MAP2K5: variants seen among roughly 807,000 people sequenced by gnomAD.
The protein encoded by MAP2K5 is mitogen-activated protein kinase kinase 5.
In MAP2K5, 49 loss-of-function variants were observed where a neutral mutation model predicts 83.1. The ratio of observed to expected loss-of-function variants is 0.59; its 90% CI spans 0.47 to 0.75. The LOEUF is 0.75. Among genes scored for constraint, MAP2K5 ranks in the 30% least tolerant of loss-of-function variants. MAP2K5 has a pLI of 0.00. For synonymous variants in MAP2K5, 202 were observed against 191.8 expected (o/e 1.05, Z -0.44); for missense variants, 457 against 557.5 (o/e 0.82, Z 1.82).
At position 67,744,642 on chromosome 15, in the gene MAP2K5, C is replaced by T. The variant is rs532187348; in HGVS notation, c.1075-3589C>T. Among the ~76,000 whole-genome samples, 3 of 152,346 alleles carry T rather than the reference C, an allele frequency of 2.0e-5. No individual in the cohort carries two copies. The South Asian group carries it at 6.2e-4, about 32-fold the overall frequency. ...ATGTAAAAGGGGCTGGTAGCAAGAT[C>T]TGTTTTACCACTTATGTAAAAAGCT... On this transcript the variant is annotated intron_variant, in intron 17 of 21. Transcript: ENST00000178640.
rs1162263993 is a variant in MAP2K5 at position 67,628,899 on chromosome 15, GGC to G, written c.546-1988_546-1987del. 209 of 750,628 alleles carry G rather than the reference GGC, an allele frequency of 2.8e-4. No individual in the cohort carries two copies. In the East Asian group the frequency reaches 4.9e-3, roughly 18 times the overall value. 46.5% of individuals were successfully genotyped at this position (750,628 alleles called of 1,614,324 possible). On this transcript the variant is annotated intron_variant, in intron 8 of 21. Transcript: ENST00000178640. ...GGATATGGCGGCAGTGGGGATGGAT[GGC>G]TATAATGGATTTAGTAATAATGGAA...
chr15:67,718,511 C>T (rs981003345), intron 16 of MAP2K5, among the ~76,000 whole-genome samples: 1 of 152,074 alleles, frequency 6.6e-6, no homozygotes, highest in Non-Finnish European at 1.5e-5. Flanking sequence ...TGCCTGTAAT[C>T]CCAGCACTTT....
intron 2 of MAP2K5, among the ~76,000 whole-genome samples, chr15:67,553,110 C>T (rs1470271554): frequency 1.3e-5 from 2 of 152,060 alleles, no homozygotes; most frequent in Non-Finnish European, 2.9e-5. Flanking sequence ...AGGCAGTGTA[C>T]TAGATGACTT....
intron 6 of MAP2K5, among the ~76,000 whole-genome samples, chr15:67,588,362 A>G (rs2085328806): frequency 6.6e-6 from 1 of 152,162 alleles, no homozygotes; most frequent in Admixed American, 6.5e-5. Context: ...TTGAGGACTA[A>G]ATTATCTTCT....
intron 19 of MAP2K5, among the ~76,000 whole-genome samples, chr15:67,756,901 A>G (rs1041262753): frequency 2.6e-5 from 4 of 151,828 alleles, no homozygotes; most frequent in East Asian, 1.9e-4. Flanking sequence ...ATAAGATTCC[A>G]TTTTGGTGTG....
In MAP2K5 at chr15:67,704,486, A is replaced by G. The variant is rs188383743; in HGVS notation, c.1044+1078A>G. On this transcript the variant is annotated intron_variant, in intron 16 of 21. Transcript: ENST00000178640. ...TTGTAACCTTTTTTTTTAGTCAAAT[A>G]CTTTTTCTGTGAGTTTTGTAATGCA... is the stretch of plus-strand genomic sequence containing the variant. 7.4e-4 allele frequency among the ~76,000 whole-genome samples: 112 copies of G among 152,284 alleles called. 1 individual carries two copies. The East Asian group carries it at 7.7e-3, about 11-fold the overall frequency.
Position 67,669,691 on chromosome 15 carries a change from CT to C in MAP2K5, c.847+5048del, listed in dbSNP as rs574502121. On this transcript the variant is annotated intron_variant, in intron 13 of 21. Transcript: ENST00000178640. ...GTTGATAGAATTTGCTGATGGATTG[CT>C]TGTGACTTTTAAGAGAAAGGCGTCA... 1.1e-3 allele frequency among the ~76,000 whole-genome samples: 163 copies of C among 152,174 alleles called. 1 individual carries two copies. Among genetic ancestry groups the C allele is most frequent in the African/African-American group, 3.8e-3 (159 of 41,532 alleles).
At position 67,563,241 on chromosome 15, in the gene MAP2K5, C is replaced by G. The variant is rs1477463129; in HGVS notation, c.185-42C>G. ...TATTATGTTCCCTTTGTGCATTAAA[C>G]AAATGCACACCTTATCATTTGCATT... On this transcript the variant is annotated intron_variant, in intron 2 of 21. Transcript: ENST00000178640. This position sits in a 1 kb window ranked among gnomAD's most constrained non-coding sequence, Gnocchi z 4.5. The G allele has an allele frequency of 6.3e-7, 1 of 1,589,752 alleles. No individual in the cohort carries two copies. Among genetic ancestry groups the G allele is most frequent in the Non-Finnish European group, 8.5e-7 (1 of 1,170,862 alleles).
At position 67,550,064 on chromosome 15, in the gene MAP2K5, A is replaced by G. The variant is rs1431015908; in HGVS notation, c.166A>G (p.Thr56Ala). ...GATAGGCCAGGTTCTGCCTGAAGCA[A>G]CAACTACAGCATTTGAATGTAAGTC... The part of the protein sequence containing the change: ...DVIGQVLPEA[T>A]TTAFEYEDED... Residue 56 changes from threonine (T) to alanine (A), a missense_variant, in exon 2 of 22, where the codon ACA (threonine) becomes GCA (alanine). Thr to Ala is a moderately conservative substitution (Grantham distance 58, BLOSUM62 0). This residue lies in a region of MAP2K5 where 234 missense variants were observed against 243.6 expected (regional missense o/e 0.96). Transcript: ENST00000178640. 1 of 1,613,660 alleles carries G rather than the reference A, an allele frequency of 6.2e-7. No individual in the cohort carries two copies. Among genetic ancestry groups the G allele is most frequent in the Non-Finnish European group, 8.5e-7 (1 of 1,179,742 alleles).
intron 8 of MAP2K5, among the ~76,000 whole-genome samples, chr15:67,613,587 T>G (rs1016537170): frequency 3.9e-5 from 6 of 152,188 alleles, no homozygotes; most frequent in African/African-American, 1.4e-4. Context: ...ATTTATATTT[T>G]TATTCTGTTT....
intron 17 of MAP2K5, among the ~76,000 whole-genome samples, chr15:67,740,404 T>C (rs1049853145): frequency 2.0e-5 from 3 of 152,144 alleles, no homozygotes; most frequent in African/African-American, 7.2e-5. Flanking sequence ...CCAGCCAGCA[T>C]GAATACCTGA....
intron 8 of MAP2K5, among the ~76,000 whole-genome samples, chr15:67,627,214 G>A (rs557441948): frequency 2.0e-5 from 3 of 152,272 alleles, no homozygotes; most frequent in African/African-American, 7.2e-5. Context: ...TTCCCAAAGT[G>A]CTGAGATTAC....
At chr15:67,650,867 C>T (rs989740601) in intron 11 of MAP2K5, among the ~76,000 whole-genome samples, 5 of 152,118 alleles carry the variant, frequency 3.3e-5, no homozygotes, top group African/African-American at 9.7e-5. Flanking sequence ...AGTGTTGCCA[C>T]CTCTTCCATT....
rs181657640 is a variant in MAP2K5 at position 67,674,503 on chromosome 15, T to C, written c.847+9858T>C. On this transcript the variant is annotated intron_variant, in intron 13 of 21. Coordinates refer to ENST00000178640, the MANE Select transcript of MAP2K5 (RefSeq NM_145160.3). ...AAAAAGACTTAGCCCATTAACAGGG[T>C]AAACAAACTCTGACTCTAGGTTGTT... Among the ~76,000 whole-genome samples the C allele has an allele frequency of 3.7e-3, 565 of 152,276 alleles. 3 individuals carry two copies. The highest frequency in any genetic ancestry group is 6.8e-3 in the Middle Eastern group (2 of 294).
intron 17 of MAP2K5, among the ~76,000 whole-genome samples, chr15:67,739,533 T>TGCAGTGGTGCAATCTCA (rs2089445563): frequency 7.8e-6 from 1 of 128,490 alleles, no homozygotes; most frequent in Non-Finnish European, 1.6e-5. Context: ...CAGGCTGGAG[T>TGCAGTGGTGCAATCTCA]GCAGTGGTGC....
At chr15:67,588,116 T>C (rs2085325846) in intron 6 of MAP2K5, 2 of 985,166 alleles carry the variant, frequency 2.0e-6, no homozygotes, top group African/African-American at 3.5e-5. Flanking sequence ...CAAGATGAAG[T>C]GTAACCTCCA....
At chr15:67,650,515 G>GTTTTT (rs35510441) in intron 11 of MAP2K5, among the ~76,000 whole-genome samples, 1 of 144,908 alleles carries the variant, frequency 6.9e-6, no homozygotes. Flanking sequence ...AGTTTGTTGA[G>GTTTTT]TTTTTTTTTT....
Position 67,780,022 on chromosome 15 carries a change from G to A in MAP2K5, c.1242+7270G>A, listed in dbSNP as rs897028325. Among the ~76,000 whole-genome samples, 1 of 152,124 alleles carries A rather than the reference G, an allele frequency of 6.6e-6. No homozygotes were observed. Among genetic ancestry groups the A allele is most frequent in the Non-Finnish European group, 1.5e-5 (1 of 68,010 alleles). Reference sequence around the variant, plus strand: ...CTGGAAGGTCTTGGTCCTCCTCCCTGCGGCTTTTCCCTACTCTTCGACTTT... The same window carrying A: ...CTGGAAGGTCTTGGTCCTCCTCCCTACGGCTTTTCCCTACTCTTCGACTTT... On this transcript the variant is annotated intron_variant, in intron 21 of 21. Transcript: ENST00000178640. The surrounding 1 kb of genome is among the most constrained non-coding windows in gnomAD (Gnocchi z 5.0).
intron 13 of MAP2K5, among the ~76,000 whole-genome samples, chr15:67,674,455 T>A (rs2087628794): frequency 6.6e-6 from 1 of 152,022 alleles, no homozygotes; most frequent in Non-Finnish European, 1.5e-5. Context: ...AACTTGTGAA[T>A]GTGTATGTTT....
Sources: allele counts gnomAD v4.1 joint callset (sites outside exome capture counted in the v4.1 genomes callset), GRCh38; gene constraint gnomAD v4.1.1; regional missense constraint gnomAD v4.1.1; non-coding constraint Gnocchi (gnomAD v3.1); transcripts MANE v1.5; gene names NCBI Gene and HGNC (gene_info 2026-07-23, HGNC 2026-07-21).